Variants in PPM1H observed in about 807,000 individuals in gnomAD.
The protein encoded by PPM1H is protein phosphatase, Mg2+/Mn2+ dependent 1H.
A neutral mutation model predicts 54.9 loss-of-function variants in PPM1H; 27 were observed. The observed-to-expected ratio is 0.49, with a 90% CI of 0.36 to 0.68. The LOEUF is 0.68. Among genes scored for constraint, PPM1H ranks in the 30% least tolerant of loss-of-function variants. PPM1H has a pLI of 0.00. For synonymous variants in PPM1H, 305 were observed against 270.8 expected, an observed-to-expected ratio of 1.13 and a Z score of -1.24; for missense variants, 596 against 667.8, an observed-to-expected ratio of 0.89 and a Z score of 1.19.
intron 4 of PPM1H, among the ~76,000 whole-genome samples, chr12:62,762,164 G>C (rs1373796038): frequency 6.6e-6 from 1 of 152,240 alleles, no homozygotes; most frequent in Non-Finnish European, 1.5e-5. Flanking sequence ...GAGTTCCTTA[G>C]AGAGGTTTCT....
chr12:62,743,534 G>C (rs2076394052), intron 4 of PPM1H, among the ~76,000 whole-genome samples: 1 of 151,864 alleles, frequency 6.6e-6, no homozygotes, highest in Non-Finnish European at 1.5e-5. Flanking sequence ...TATTCCCCTA[G>C]TCTAAATATT....
chr12:62,662,596 G>C (rs760290186), intron 9 of PPM1H, among the ~76,000 whole-genome samples: 1 of 152,128 alleles, frequency 6.6e-6, no homozygotes. Flanking sequence ...TTTTACATAT[G>C]AACAATCAGA....
At chr12:62,827,919 T>G (rs1868308231) in intron 2 of PPM1H, among the ~76,000 whole-genome samples, 1 of 152,170 alleles carries the variant, frequency 6.6e-6, no homozygotes, top group Non-Finnish European at 1.5e-5. Flanking sequence ...CCACTGCCAG[T>G]GATCTCCCCA....
intron 8 of PPM1H, among the ~76,000 whole-genome samples, chr12:62,684,306 T>C (rs1394460749): frequency 6.6e-6 from 1 of 152,152 alleles, no homozygotes; most frequent in African/African-American, 2.4e-5. Context: ...CAGAAATCCC[T>C]GCCTTAGACT....
chr12:62,929,071 A>G (rs1490990126), intron 1 of PPM1H, among the ~76,000 whole-genome samples: 5 of 152,214 alleles, frequency 3.3e-5, no homozygotes, highest in Non-Finnish European at 7.3e-5. Flanking sequence ...TGAGATTTAA[A>G]ATTACCCAGA....
chr12:62,921,725 T>C (rs546991394), intron 1 of PPM1H, among the ~76,000 whole-genome samples: 25 of 152,248 alleles, frequency 1.6e-4, no homozygotes, highest in African/African-American at 6.0e-4. Flanking sequence ...GGTGATATGA[T>C]TGTGCCTGTG....
intron 1 of PPM1H, among the ~76,000 whole-genome samples, chr12:62,852,358 T>C (rs556380597): frequency 5.9e-5 from 9 of 151,860 alleles, no homozygotes; most frequent in African/African-American, 1.9e-4. Context: ...CTTTCTTTCC[T>C]ACATGTGAGG....
intron 2 of PPM1H, among the ~76,000 whole-genome samples, chr12:62,808,288 G>A (rs1319427754): frequency 1.3e-5 from 2 of 152,146 alleles, no homozygotes; most frequent in Non-Finnish European, 1.5e-5. Context: ...GAATATAACT[G>A]CTCTAGGTCA....
intron 1 of PPM1H, among the ~76,000 whole-genome samples, chr12:62,871,731 G>A (rs7312496): frequency 0.36 from 55,167 of 151,758 alleles, 10,881 homozygotes; most frequent in East Asian, 0.54. Context: ...GCCCAGGCTG[G>A]TGTCGAACTC....
At chr12:62,724,656 C>T (rs532852924) in intron 5 of PPM1H, among the ~76,000 whole-genome samples, 1 of 152,280 alleles carries the variant, frequency 6.6e-6, no homozygotes, top group East Asian at 1.9e-4. Flanking sequence ...AGGATAACAA[C>T]AGGGTATGAT....
At chr12:62,722,909 GACAT>G (rs1428499428) in intron 5 of PPM1H, among the ~76,000 whole-genome samples, 5 of 152,166 alleles carry the variant, frequency 3.3e-5, no homozygotes, top group African/African-American at 4.8e-5. Flanking sequence ...CTTTATAGAA[GACAT>G]ACATACGTAC....
intron 9 of PPM1H, among the ~76,000 whole-genome samples, chr12:62,664,942 G>A (rs549715629): frequency 3.3e-4 from 48 of 146,672 alleles, no homozygotes; most frequent in African/African-American, 1.2e-3. Context: ...CATTGGCACC[G>A]TTTACTTTTG....
At position 62,838,902 on chromosome 12, in the gene PPM1H, C is replaced by T. The variant is rs545391071; in HGVS notation, c.246-6623G>A. Among the ~76,000 whole-genome samples the T allele has an allele frequency of 9.9e-5, 7 of 70,986 alleles. No individual in the cohort carries two copies. In the East Asian group the frequency reaches 3.2e-3, roughly 32 times the overall value. 46.6% of individuals were successfully genotyped at this position (70,986 alleles called of 152,430 possible). On this transcript the variant is annotated intron_variant, in intron 1 of 9. Coordinates refer to ENST00000228705, the MANE Select transcript of PPM1H (RefSeq NM_020700.2). The stretch of plus-strand genomic sequence containing the variant: ...CGCCACTGCACTCCAGCCTGGGCGA[C>T]AGAGCGAGACTCCGTCTCAAAAAAA...
intron 1 of PPM1H, among the ~76,000 whole-genome samples, chr12:62,911,313 C>T (rs7966542): frequency 3.9e-5 from 6 of 152,130 alleles, no homozygotes; most frequent in South Asian, 2.1e-4. Context: ...TTAAACCCTA[C>T]GATGTAAAAG....
At chr12:62,801,210 A>T (rs2076767141) in intron 3 of PPM1H, among the ~76,000 whole-genome samples, 1 of 152,210 alleles carries the variant, frequency 6.6e-6, no homozygotes, top group Non-Finnish European at 1.5e-5. Flanking sequence ...GCTCACATCT[A>T]AGTGCAATCG....
chr12:62,772,868 G>A (rs2120653817), intron 4 of PPM1H, among the ~76,000 whole-genome samples: 1 of 152,304 alleles, frequency 6.6e-6, no homozygotes, highest in African/African-American at 2.4e-5. Flanking sequence ...CAAAGTCATA[G>A]GCTGGGTGTG....
intron 6 of PPM1H, among the ~76,000 whole-genome samples, chr12:62,700,138 T>C: frequency 6.6e-6 from 1 of 152,020 alleles, no homozygotes; most frequent in East Asian, 1.9e-4. Context: ...AGATTGCTTT[T>C]TCACTCTTTC....
intron 2 of PPM1H, among the ~76,000 whole-genome samples, chr12:62,827,317 C>A (rs574919362): frequency 1.2e-4 from 19 of 152,258 alleles, no homozygotes; most frequent in Admixed American, 7.8e-4. Flanking sequence ...TGGTCATTTG[C>A]TCACCTTAAC....
chr12:62,693,898 C>T, intron 7 of PPM1H, 38 bp downstream of exon 7: 2 of 1,584,542 alleles, frequency 1.3e-6, no homozygotes, highest in East Asian at 2.2e-5. Context: ...CGGGACAGAG[C>T]CCTGTCCTCT....
Sources: gnomAD v4.1 joint callset for allele counts (sites outside exome capture counted in the v4.1 genomes callset) on GRCh38, gnomAD v4.1.1 for gene constraint, MANE v1.5 for transcripts, NCBI Gene and HGNC (gene_info 2026-07-23, HGNC 2026-07-21) for gene names.